Variants in SH3RF3 observed in about 807,000 individuals in gnomAD.
SH3RF3 encodes SH3 domain containing ring finger 3, also known as E3 ubiquitin-protein ligase SH3RF3.
Under a neutral mutation model 66.3 loss-of-function variants are expected in SH3RF3, and 29 were observed. The observed-to-expected ratio is 0.44, with a 90% CI of 0.33 to 0.60. The LOEUF (loss-of-function observed/expected upper bound fraction) is 0.60. SH3RF3 is among the 20% of genes least tolerant of loss of function. The pLI is 0.04. For missense variants in SH3RF3, 1,194 were observed against 1,190.9 expected (o/e 1.00, Z -0.04); for synonymous variants, 583 against 532.0 (o/e 1.10, Z -1.32).
chr2:109,281,022 A>G (rs1680876883), intron 1 of SH3RF3, among the ~76,000 whole-genome samples: 1 of 152,214 alleles, frequency 6.6e-6, no homozygotes, highest in Non-Finnish European at 1.5e-5. Flanking sequence ...GCTCCTGACA[A>G]CTGAGCCATG....
intron 1 of SH3RF3, among the ~76,000 whole-genome samples, chr2:109,199,597 T>TCAACGCGAGTGCAGG (rs1558953918): frequency 0.011 from 3 of 274 alleles, no homozygotes; most frequent in African/African-American, 0.028. Flanking sequence ...TGGAATGGAA[T>TCAACGCGAGTGCAGG]GGAATGGAAT....
At chr2:109,355,052 G>C (rs556801129) in intron 2 of SH3RF3, among the ~76,000 whole-genome samples, 15 of 152,244 alleles carry the variant, frequency 9.9e-5, no homozygotes, top group African/African-American at 3.1e-4. Context: ...CAATCCTTTA[G>C]GACCACCCTG....
In SH3RF3 at chr2:109,404,337, AG is replaced by A. The variant is rs368400979; in HGVS notation, c.1299+5396del. 2.6e-4 allele frequency among the ~76,000 whole-genome samples: 40 copies of A among 152,324 alleles called. No individual in the cohort carries two copies. The South Asian group carries it at 8.1e-3, about 31-fold the overall frequency. ...CGAGGAGAGAGCTGGGAGCTGTGTA[AG>A]GTGAGCTCGAGGCCTGGCGGGGAGT... On this transcript the variant is annotated intron_variant, in intron 4 of 9. Coordinates refer to ENST00000309415, the MANE Select transcript of SH3RF3 (RefSeq NM_001099289.3).
chr2:109,471,085 T>C (rs2104723906), intron 8 of SH3RF3, among the ~76,000 whole-genome samples: 1 of 151,896 alleles, frequency 6.6e-6, no homozygotes, highest in South Asian at 2.1e-4. Flanking sequence ...TTGGGTGTGT[T>C]GGCAGGTGCC....
At chr2:109,145,527 A>G (rs769202929) in intron 1 of SH3RF3, among the ~76,000 whole-genome samples, 38 of 152,126 alleles carry the variant, frequency 2.5e-4, no homozygotes, top group Non-Finnish European at 4.0e-4. Flanking sequence ...CCCTCATGAA[A>G]GGGGCTGCTT....
chr2:109,460,932 G>A (rs926275075), intron 8 of SH3RF3, among the ~76,000 whole-genome samples: 6 of 152,202 alleles, frequency 3.9e-5, no homozygotes, highest in Non-Finnish European at 8.8e-5. Context: ...CAGTGCTGCA[G>A]CTGCCCACTT....
At position 109,436,995 on chromosome 2, in the gene SH3RF3, G is replaced by T. The variant is rs765140856; in HGVS notation, c.1677G>T (p.Leu559=). Residue 559 remains leucine, a synonymous_variant, in exon 7 of 10, where the codon CTG becomes CTT. Transcript: ENST00000309415. ...CCATGCACCCAGGCAGTGGGAGTCT[G>T]AGCAGCCTGGCCACTGCCACCAGGC... ...TTTMHPGSGS[L]SSLATATRPA... The T allele has an allele frequency of 6.2e-7, 1 of 1,613,704 alleles. No individual in the cohort carries two copies. The highest frequency in any genetic ancestry group is 1.3e-5 in the African/African-American group (1 of 74,924).
intron 1 of SH3RF3, among the ~76,000 whole-genome samples, chr2:109,151,000 T>C (rs1677213902): frequency 6.6e-6 from 1 of 152,194 alleles, no homozygotes; most frequent in South Asian, 2.1e-4. Flanking sequence ...GAAACATTGA[T>C]GAAGGTCGAC....
At chr2:109,336,808 A>G (rs1682432911) in intron 1 of SH3RF3, among the ~76,000 whole-genome samples, 1 of 152,202 alleles carries the variant, frequency 6.6e-6, no homozygotes. Context: ...ATAAATCAAC[A>G]TGGAAATGGG....
At chr2:109,450,454 A>G (rs1038236604) in intron 8 of SH3RF3, among the ~76,000 whole-genome samples, 2 of 152,240 alleles carry the variant, frequency 1.3e-5, no homozygotes, top group African/African-American at 4.8e-5. Flanking sequence ...CTTCTAAATC[A>G]GTGCTGTCCA....
chr2:109,243,523 G>A lies in SH3RF3; in HGVS notation c.574-104151G>A, dbSNP rs1679837566. Among the ~76,000 whole-genome samples, 4 of 152,198 alleles carry A rather than the reference G, an allele frequency of 2.6e-5. No individual in the cohort carries two copies. The South Asian group carries it at 6.2e-4, about 24-fold the overall frequency. On this transcript the variant is annotated intron_variant, in intron 1 of 9. Coordinates refer to ENST00000309415, the MANE Select transcript of SH3RF3 (RefSeq NM_001099289.3). ...ATGCTCATGAAAAAAGTCAGATGGG[G>A]CAGGTGACATACAGGTAATTAACAC...
chr2:109,481,955 A>C (rs1249527328), intron 8 of SH3RF3, among the ~76,000 whole-genome samples: 1 of 152,220 alleles, frequency 6.6e-6, no homozygotes, highest in Non-Finnish European at 1.5e-5. Context: ...GCTCCCCTAC[A>C]AAATGACTGA....
chr2:109,462,188 A>G (rs932432423), intron 8 of SH3RF3, among the ~76,000 whole-genome samples: 1 of 149,810 alleles, frequency 6.7e-6, no homozygotes, highest in African/African-American at 2.5e-5. Context: ...GCCATCTCGT[A>G]TGACATCTTG....
chr2:109,142,376 A>G (rs890055752), intron 1 of SH3RF3, among the ~76,000 whole-genome samples: 26 of 152,220 alleles, frequency 1.7e-4, no homozygotes, highest in Admixed American at 7.2e-4. Flanking sequence ...TGATTTTAAT[A>G]GGACCCCAAA....
intron 1 of SH3RF3, among the ~76,000 whole-genome samples, chr2:109,287,349 T>C (rs1461379503): frequency 6.6e-6 from 1 of 152,132 alleles, no homozygotes; most frequent in South Asian, 2.1e-4. Context: ...CATAAGAAAG[T>C]ACATCTTGAC....
chr2:109,371,043 C>G (rs1683260978), intron 2 of SH3RF3, among the ~76,000 whole-genome samples: 1 of 152,172 alleles, frequency 6.6e-6, no homozygotes, highest in Admixed American at 6.5e-5. Context: ...CTCTGTGGTA[C>G]ATTGCCAGGC....
At chr2:109,405,709 C>T (rs887365529) in intron 4 of SH3RF3, among the ~76,000 whole-genome samples, 9 of 152,212 alleles carry the variant, frequency 5.9e-5, no homozygotes, top group Admixed American at 4.6e-4. Flanking sequence ...CCCCATGTCA[C>T]CTTTCCACCA....
chr2:109,295,879 T>C (rs912226145), intron 1 of SH3RF3, among the ~76,000 whole-genome samples: 2 of 152,122 alleles, frequency 1.3e-5, no homozygotes, highest in Admixed American at 1.3e-4. Context: ...CAGGTGTAAG[T>C]GGGAGCTCCT....
intron 8 of SH3RF3, among the ~76,000 whole-genome samples, chr2:109,460,725 T>A (rs951414266): frequency 6.6e-6 from 1 of 152,236 alleles, no homozygotes; most frequent in Non-Finnish European, 1.5e-5. Context: ...GTCACCAATT[T>A]TCCAATTATG....
Sources: allele counts gnomAD v4.1 joint callset (sites outside exome capture counted in the v4.1 genomes callset), GRCh38; gene constraint gnomAD v4.1.1; transcripts MANE v1.5; gene names NCBI Gene and HGNC (gene_info 2026-07-23, HGNC 2026-07-21).